CTNNA3: variants seen among roughly 807,000 people sequenced by gnomAD.
The protein encoded by CTNNA3 is catenin alpha 3.
A neutral mutation model predicts 95.7 loss-of-function variants in CTNNA3; 76 were observed. That is an observed-to-expected ratio of 0.79 (90% confidence interval 0.66 to 0.96). The LOEUF is 0.96. Among genes scored for constraint, CTNNA3 ranks in the 40% least tolerant of loss-of-function variants. The pLI, the probability that CTNNA3 is intolerant of heterozygous loss-of-function variation, is 0.00. For missense variants in CTNNA3, 1,191 were observed against 1,089.8 expected (o/e 1.09, Z -1.31); for synonymous variants, 431 against 374.4 (o/e 1.15, Z -1.74).
intron 7 of CTNNA3, among the ~76,000 whole-genome samples, chr10:67,023,857 C>A (rs1271863641): frequency 6.6e-6 from 1 of 152,140 alleles, no homozygotes; most frequent in Non-Finnish European, 1.5e-5. Flanking sequence ...GATTATGTAA[C>A]TTCAGGTAGA....
At chr10:67,547,067 G>C (rs182873514) in intron 3 of CTNNA3, among the ~76,000 whole-genome samples, 1 of 152,046 alleles carries the variant, frequency 6.6e-6, no homozygotes, top group Non-Finnish European at 1.5e-5. Context: ...ATACAACAAC[G>C]ATTATAACAT....
intron 9 of CTNNA3, among the ~76,000 whole-genome samples, chr10:66,733,434 A>G (rs1169720300): frequency 5.9e-5 from 9 of 152,004 alleles, no homozygotes; most frequent in Admixed American, 5.9e-4. Flanking sequence ...AAGATGATCA[A>G]CTTTTCAGAT....
At chr10:67,003,786 G>A (rs1265101213) in intron 7 of CTNNA3, among the ~76,000 whole-genome samples, 1 of 152,144 alleles carries the variant, frequency 6.6e-6, no homozygotes, top group African/African-American at 2.4e-5. Context: ...AATACAAATT[G>A]AGAGGTTAAT....
In CTNNA3 at chr10:67,424,787, G is replaced by A. The variant is rs190775792; in HGVS notation, c.579+97055C>T. On this transcript the variant is annotated intron_variant, in intron 5 of 17. Transcript: ENST00000433211. ...CTAAATTGTAAGTTCCATGAACAGA[G>A]ATTGTGTTTGATGATGTTGTCAATC... 2.5e-3 allele frequency among the ~76,000 whole-genome samples: 376 copies of A among 152,150 alleles called. 5 individuals are homozygous for A. Among genetic ancestry groups the A allele is most frequent in the African/African-American group, 8.7e-3 (361 of 41,528 alleles).
chr10:67,661,851 T>C (rs1256618234), intron 1 of CTNNA3, among the ~76,000 whole-genome samples: 2 of 152,164 alleles, frequency 1.3e-5, no homozygotes, highest in African/African-American at 4.8e-5. Flanking sequence ...CCACACATGC[T>C]AGAATGGCTA....
rs576845341 is a variant in CTNNA3 at position 67,356,471 on chromosome 10, T to A, written c.580-136601A>T. Reference sequence around the variant, plus strand: ...ATTATGATTTTATCATTTGCATCTGTCATTTCCACATAACTGAATCTCCCA... The same window carrying A: ...ATTATGATTTTATCATTTGCATCTGACATTTCCACATAACTGAATCTCCCA... On this transcript the variant is annotated intron_variant, in intron 5 of 17. Transcript: ENST00000433211. Among the ~76,000 whole-genome samples the A allele has an allele frequency of 1.1e-3, 165 of 152,214 alleles. 1 individual carries two copies. The highest frequency in any genetic ancestry group is 8.4e-4 in the Non-Finnish European group (57 of 67,976).
At chr10:67,539,462 T>C in intron 4 of CTNNA3, 41 bp downstream of exon 4, 1 of 1,603,980 alleles carries the variant, frequency 6.2e-7, no homozygotes, top group Non-Finnish European at 8.5e-7. Context: ...AAATTAGAAG[T>C]GAAGACAATG....
At chr10:67,474,348 TAAG>T (rs988505034) in intron 5 of CTNNA3, among the ~76,000 whole-genome samples, 26 of 152,142 alleles carry the variant, frequency 1.7e-4, no homozygotes, top group African/African-American at 6.0e-4. Flanking sequence ...GCTGTCCTTA[TAAG>T]AAGAGAAAAT....
chr10:67,192,673 C>A (rs1327919368), intron 6 of CTNNA3, among the ~76,000 whole-genome samples: 1 of 151,658 alleles, frequency 6.6e-6, no homozygotes, highest in African/African-American at 2.4e-5. Flanking sequence ...TTGATACAGT[C>A]ATAATGAAAA....
chr10:66,644,782 C>A lies in CTNNA3; in HGVS notation c.1282-22998G>T, dbSNP rs868783157. Among the ~76,000 whole-genome samples the A allele has an allele frequency of 1.7e-4, 26 of 152,030 alleles. No homozygotes were observed. The East Asian group carries it at 4.5e-3, about 26-fold the overall frequency. Reference sequence around the variant, plus strand: ...TGGTATGGGTGGGTGTGCAATAAGTCTATACAATTTTGTCACCTGTGTAGG... The same window carrying A: ...TGGTATGGGTGGGTGTGCAATAAGTATATACAATTTTGTCACCTGTGTAGG... On this transcript the variant is annotated intron_variant, in intron 9 of 17. Transcript: ENST00000433211.
intron 9 of CTNNA3, among the ~76,000 whole-genome samples, chr10:66,642,814 T>C (rs1845566283): frequency 6.6e-6 from 1 of 152,170 alleles, no homozygotes; most frequent in Non-Finnish European, 1.5e-5. Flanking sequence ...GGATTTCTTC[T>C]TTAACATGAA....
chr10:66,141,930 G>A (rs561418319), intron 13 of CTNNA3, among the ~76,000 whole-genome samples: 9 of 152,126 alleles, frequency 5.9e-5, no homozygotes, highest in Admixed American at 3.9e-4. Flanking sequence ...TATGTCTTTC[G>A]CAATTATTGT....
In CTNNA3 at chr10:67,647,545, A is replaced by G. The variant is rs1468703399; in HGVS notation, c.-5-27T>C. On this transcript the variant is annotated intron_variant, in intron 1 of 17. Coordinates refer to ENST00000433211, the MANE Select transcript of CTNNA3 (RefSeq NM_013266.4). Reference sequence around the variant, plus strand: ...TGTGCACAAACACAAAAGGATGCTTATTAATAAAGAAAACTGTTTTCTAAA... The same window carrying G: ...TGTGCACAAACACAAAAGGATGCTTGTTAATAAAGAAAACTGTTTTCTAAA... 5 of 1,574,376 alleles carry G rather than the reference A, an allele frequency of 3.2e-6. No homozygotes were observed. In the Middle Eastern group the frequency reaches 5.0e-4, roughly 158 times the overall value.
intron 16 of CTNNA3, among the ~76,000 whole-genome samples, chr10:65,983,776 A>C (rs1236648354): frequency 4.6e-5 from 7 of 151,376 alleles, no homozygotes; most frequent in African/African-American, 1.7e-4. Flanking sequence ...AGAAGGTTTT[A>C]GTTCTTCTCT....
At chr10:66,931,787 A>G (rs1847410042) in intron 7 of CTNNA3, among the ~76,000 whole-genome samples, 2 of 152,198 alleles carry the variant, frequency 1.3e-5, no homozygotes, top group African/African-American at 4.8e-5. Flanking sequence ...TGAAGGCTAG[A>G]AATAAGTGTC....
At chr10:67,583,666 T>C (rs1842503907) in intron 3 of CTNNA3, among the ~76,000 whole-genome samples, 1 of 152,236 alleles carries the variant, frequency 6.6e-6, no homozygotes, top group Admixed American at 6.5e-5. Flanking sequence ...TCCAACTTGG[T>C]TCCATTCTCC....
At chr10:67,428,947 T>A (rs143137643) in intron 5 of CTNNA3, among the ~76,000 whole-genome samples, 2 of 151,970 alleles carry the variant, frequency 1.3e-5, no homozygotes, top group Non-Finnish European at 2.9e-5. Flanking sequence ...AAGTTAATAC[T>A]TAATAAATGC....
At chr10:66,606,439 C>T (rs1442929526) in intron 10 of CTNNA3, among the ~76,000 whole-genome samples, 4 of 152,128 alleles carry the variant, frequency 2.6e-5, no homozygotes, top group African/African-American at 4.8e-5. Context: ...CTACAGAACT[C>T]TCCACTAAAA....
At chr10:66,977,655 C>T (rs565631236) in intron 7 of CTNNA3, among the ~76,000 whole-genome samples, 2 of 152,086 alleles carry the variant, frequency 1.3e-5, no homozygotes, top group Non-Finnish European at 2.9e-5. Context: ...TAAGCTGGGC[C>T]TTGTATGTTT....
Sources: gnomAD v4.1 joint callset for allele counts (sites outside exome capture counted in the v4.1 genomes callset) on GRCh38, gnomAD v4.1.1 for gene constraint, MANE v1.5 for transcripts, NCBI Gene and HGNC (gene_info 2026-07-23, HGNC 2026-07-21) for gene names.